Variants in ERC2 observed in about 807,000 individuals in gnomAD.
The protein encoded by ERC2 is ERC protein 2.
Under a neutral mutation model 114.8 loss-of-function variants are expected in ERC2, and 42 were observed. The observed-to-expected ratio is 0.37, with a 90% CI of 0.29 to 0.47. ERC2 has a LOEUF of 0.47. Among genes scored for constraint, ERC2 ranks in the 20% least tolerant of loss-of-function variants. The pLI, the probability that ERC2 is intolerant of heterozygous loss-of-function variation, is 0.99. For synonymous variants in ERC2, 454 were observed against 425.5 expected (o/e 1.07, Z -0.82); for missense variants, 939 against 1,150.7 (o/e 0.82, Z 2.66).
intron 6 of ERC2, among the ~76,000 whole-genome samples, chr3:56,119,718 C>T (rs529344495): frequency 3.9e-5 from 6 of 152,156 alleles, no homozygotes; most frequent in Non-Finnish European, 7.3e-5. Context: ...ATAGTTGGAA[C>T]TCAATAAATA....
intron 11 of ERC2, 71 bp downstream of exon 11, chr3:55,991,986 C>T (rs2071094810): frequency 2.2e-6 from 3 of 1,391,768 alleles, no homozygotes; most frequent in Admixed American, 1.8e-5. Context: ...AAATCCACCA[C>T]AACCGGAGAT....
At chr3:56,454,517 AAAC>A (rs2062970200) in intron 1 of ERC2, among the ~76,000 whole-genome samples, 1 of 152,232 alleles carries the variant, frequency 6.6e-6, no homozygotes, top group African/African-American at 2.4e-5. Flanking sequence ...CAAAAGGTGA[AAAC>A]AACCGAAATG....
chr3:55,771,541 A>G (rs1409806821), intron 14 of ERC2, among the ~76,000 whole-genome samples: 1 of 152,160 alleles, frequency 6.6e-6, no homozygotes, highest in Non-Finnish European at 1.5e-5. Flanking sequence ...CATGCTCTTA[A>G]CCTCTCTTGT....
chr3:55,874,565 G>A (rs1438335529), intron 14 of ERC2, among the ~76,000 whole-genome samples: 2 of 151,104 alleles, frequency 1.3e-5, no homozygotes, highest in Non-Finnish European at 2.9e-5. Flanking sequence ...ACACTTGTTA[G>A]AATGATTTAA....
At chr3:55,621,586 G>A (rs553973466) in intron 17 of ERC2, among the ~76,000 whole-genome samples, 36 of 152,340 alleles carry the variant, frequency 2.4e-4, no homozygotes, top group African/African-American at 7.5e-4. Context: ...AGGCTGGCTG[G>A]AGACACAGAC....
intron 3 of ERC2, among the ~76,000 whole-genome samples, chr3:56,214,305 G>T (rs547931859): frequency 1.3e-5 from 2 of 151,730 alleles, no homozygotes; most frequent in Non-Finnish European, 2.9e-5. Flanking sequence ...TAAAGGACCT[G>T]ATGGAGCTGA....
chr3:55,801,785 G>A (rs2071075492), intron 14 of ERC2, among the ~76,000 whole-genome samples: 1 of 152,218 alleles, frequency 6.6e-6, no homozygotes, highest in Non-Finnish European at 1.5e-5. Flanking sequence ...GGTGATAGCA[G>A]AACCATTAAA....
At chr3:55,591,194 T>A (rs1428121940) in intron 17 of ERC2, among the ~76,000 whole-genome samples, 1 of 152,100 alleles carries the variant, frequency 6.6e-6, no homozygotes, top group Non-Finnish European at 1.5e-5. Flanking sequence ...CTTTTTTTTT[T>A]TTTTTAAACA....
chr3:55,874,315 A>G (rs1261454965), intron 14 of ERC2, among the ~76,000 whole-genome samples: 2 of 152,136 alleles, frequency 1.3e-5, no homozygotes, highest in Non-Finnish European at 1.5e-5. Context: ...TGGAAGGAGT[A>G]TGGGGGTGTT....
chr3:55,821,626 A>G (rs962598747), intron 14 of ERC2, among the ~76,000 whole-genome samples: 2 of 152,208 alleles, frequency 1.3e-5, no homozygotes, highest in African/African-American at 4.8e-5. Flanking sequence ...TTTTCTGACA[A>G]AGCTGATGGT....
chr3:56,464,357 CT>C (rs1384029697), intron 1 of ERC2, among the ~76,000 whole-genome samples: 6 of 152,350 alleles, frequency 3.9e-5, no homozygotes, highest in African/African-American at 1.4e-4. Context: ...GCTGCCATCC[CT>C]TCAGCCTGGG....
chr3:55,711,403 T>C (rs1053862244), intron 15 of ERC2, among the ~76,000 whole-genome samples: 3 of 152,224 alleles, frequency 2.0e-5, no homozygotes, highest in Non-Finnish European at 4.4e-5. Flanking sequence ...CCAATCTTTC[T>C]AAAAAATTTT....
chr3:56,409,019 A>T (rs1240420978), intron 2 of ERC2, among the ~76,000 whole-genome samples: 1 of 152,208 alleles, frequency 6.6e-6, no homozygotes, highest in Non-Finnish European at 1.5e-5. Flanking sequence ...GTTGTCATCA[A>T]TCCAGTGACC....
intron 2 of ERC2, among the ~76,000 whole-genome samples, chr3:56,313,361 T>A (rs1341118784): frequency 6.6e-6 from 1 of 152,016 alleles, no homozygotes; most frequent in Admixed American, 6.6e-5. Context: ...ATGAATTATA[T>A]CTCAATAAAG....
chr3:55,909,246 T>C (rs1360478113), intron 13 of ERC2, among the ~76,000 whole-genome samples: 1 of 152,222 alleles, frequency 6.6e-6, no homozygotes, highest in African/African-American at 2.4e-5. Context: ...TCTGAAATTA[T>C]GTGTTGGTAT....
intron 2 of ERC2, among the ~76,000 whole-genome samples, chr3:56,428,558 A>AGGGTGGGAGGGAGG (rs1553627243): frequency 1.6e-5 from 1 of 64,258 alleles, no homozygotes; most frequent in Non-Finnish European, 3.1e-5. Context: ...GAAGGAAGGG[A>AGGGTGGGAGGGAGG]GGGAGGGAGG....
chr3:55,730,272 C>T lies in ERC2; in HGVS notation c.2712+4499G>A, dbSNP rs562359860. ...CTCTTGGACTTTGGTTTAATCAACT[C>T]AAAAATAAGGGTGATGCTTTCCTTA... On this transcript the variant is annotated intron_variant, in intron 15 of 17. Coordinates refer to ENST00000288221, the MANE Select transcript of ERC2 (RefSeq NM_015576.3). Among the ~76,000 whole-genome samples the T allele has an allele frequency of 6.6e-5, 10 of 152,068 alleles. No individual in the cohort carries two copies. The South Asian group carries it at 2.1e-3, about 32-fold the overall frequency.
intron 17 of ERC2, among the ~76,000 whole-genome samples, chr3:55,620,720 A>G (rs2059292534): frequency 6.6e-6 from 1 of 152,168 alleles, no homozygotes; most frequent in African/African-American, 2.4e-5. Context: ...TTTAACTCCC[A>G]GGGATCAGGA....
intron 14 of ERC2, among the ~76,000 whole-genome samples, chr3:55,798,152 T>C (rs1011284465): frequency 1.4e-4 from 21 of 152,110 alleles, no homozygotes; most frequent in Non-Finnish European, 2.9e-5. Context: ...AAGAAGGTAA[T>C]AGATATTTGC....
Sources: allele counts gnomAD v4.1 joint callset (sites outside exome capture counted in the v4.1 genomes callset), GRCh38; gene constraint gnomAD v4.1.1; transcripts MANE v1.5; gene names NCBI Gene and HGNC (gene_info 2026-07-23, HGNC 2026-07-21).